CEP76: variants seen among roughly 807,000 people sequenced by gnomAD.
The protein encoded by CEP76 is centrosomal protein 76, also known as centrosomal protein of 76 kDa.
CEP76 carries 55 observed loss-of-function variants against 83.3 expected under a neutral mutation model. That is an observed-to-expected ratio of 0.66 (90% confidence interval 0.53 to 0.83). The LOEUF is 0.83. CEP76 is among the 40% of genes least tolerant of loss of function. CEP76 has a pLI of 0.00. For synonymous variants in CEP76, 270 were observed against 274.5 expected, an observed-to-expected ratio of 0.98 and a Z score of 0.16; for missense variants, 694 against 799.5, an observed-to-expected ratio of 0.87 and a Z score of 1.59.
At chr18:12,671,642 CTTTTT>C (rs869130220), downstream of CEP76, among the ~76,000 whole-genome samples, 4 of 55,542 alleles carry the variant, frequency 7.2e-5, no homozygotes, top group South Asian at 1.7e-3. Flanking sequence ...TTCACACTTT[CTTTTT>C]TTTTTTTTTT....
At chr18:12,662,453 A>C (rs1407165763) in intron 12 of CEP76, among the ~76,000 whole-genome samples, 1 of 152,210 alleles carries the variant, frequency 6.6e-6, no homozygotes, top group Non-Finnish European at 1.5e-5. Flanking sequence ...CTACATTACA[A>C]TGTCCATGTA....
At chr18:12,667,634 G>A (rs2038828628), downstream of CEP76, among the ~76,000 whole-genome samples, 1 of 151,606 alleles carries the variant, frequency 6.6e-6, no homozygotes, top group Admixed American at 6.6e-5. Flanking sequence ...GGTGGCACGT[G>A]CCTGTACTCC....
intron 11 of CEP76, among the ~76,000 whole-genome samples, chr18:12,673,794 T>G (rs1050596022): frequency 6.6e-6 from 1 of 151,896 alleles, no homozygotes; most frequent in African/African-American, 2.4e-5. Flanking sequence ...GGCAGGAGAA[T>G]CGCTTGAATC....
At chr18:12,664,794 G>T (rs2038771860) in intron 12 of CEP76, among the ~76,000 whole-genome samples, 1 of 151,336 alleles carries the variant, frequency 6.6e-6, no homozygotes, top group African/African-American at 2.4e-5. Context: ...TGCCTCCCAG[G>T]TTCAAGTGAT....
Position 12,683,186 on chromosome 18 carries a change from C to CAAAAAAAAAAAAAAAAAAAAAAA in CEP76, c.1123-2359_1123-2358insTTTTTTTTTTTTTTTTTTTTTTT, listed in dbSNP as rs765652085. 9.1e-4 allele frequency among the ~76,000 whole-genome samples: 58 copies of CAAAAAAAAAAAAAAAAAAAAAAA among 63,656 alleles called. 6 individuals are homozygous for CAAAAAAAAAAAAAAAAAAAAAAA. Among genetic ancestry groups the CAAAAAAAAAAAAAAAAAAAAAAA allele is most frequent in the Non-Finnish European group, 1.3e-3 (42 of 32,430 alleles). 41.8% of individuals were successfully genotyped at this position (63,656 alleles called of 152,430 possible). A position where few individuals can be genotyped will look rare whatever the true frequency, so the allele number is the denominator to read the frequency against. On this transcript the variant is annotated intron_variant, in intron 8 of 11. Coordinates refer to ENST00000262127, the MANE Select transcript of CEP76 (RefSeq NM_024899.4). ...GAAACCCCATCTCTACTAAAAATAC[C>CAAAAAAAAAAAAAAAAAAAAAAA]AAAAAAAAAAAAAAAAAAGCCAGGC... is the stretch of plus-strand genomic sequence containing the variant.
chr18:12,679,421 A>G (rs906291636), intron 9 of CEP76: 11 of 152,090 alleles, frequency 7.2e-5, no homozygotes, highest in African/African-American at 1.2e-4. Flanking sequence ...CAGGAAGCAC[A>G]CTAGCAGGCA....
chr18:12,667,479 C>T (rs9945963), intron 12 of CEP76, among the ~76,000 whole-genome samples: 2,725 of 151,852 alleles, frequency 0.018, 92 homozygotes, highest in African/African-American at 0.062. Flanking sequence ...ATATAATATT[C>T]GGCCAGGCCG....
intron 10 of CEP76, among the ~76,000 whole-genome samples, chr18:12,675,306 G>A (rs1377547956): frequency 1.3e-5 from 2 of 152,078 alleles, no homozygotes; most frequent in African/African-American, 4.8e-5. Context: ...TGAGGCAGGA[G>A]AATGGTATGA....
At chr18:12,674,441 TAAAAAA>T (rs34769779) in intron 11 of CEP76, 89 bp downstream of exon 11, 7 of 715,644 alleles carry the variant, frequency 9.8e-6, no homozygotes, top group South Asian at 4.1e-5. Context: ...GACCTTGAGT[TAAAAAA>T]AAAAAAAAAA....
intron 10 of CEP76, among the ~76,000 whole-genome samples, chr18:12,677,350 A>T (rs1377929326): frequency 2.0e-5 from 3 of 150,224 alleles, no homozygotes; most frequent in African/African-American, 7.3e-5. Context: ...AGGCAGGAGA[A>T]TTGCTTAAAC....
chr18:12,674,437 G>C, intron 11 of CEP76, 99 bp downstream of exon 11: 1 of 809,970 alleles, frequency 1.2e-6, no homozygotes. Flanking sequence ...GCAAGACCTT[G>C]AGTTAAAAAA....
At chr18:12,687,750 G>C (rs1213774477) in intron 7 of CEP76, among the ~76,000 whole-genome samples, 1 of 151,744 alleles carries the variant, frequency 6.6e-6, no homozygotes, top group South Asian at 2.1e-4. Flanking sequence ...ACTGTGCCTG[G>C]CCTAGAGGGC....
intron 12 of CEP76, among the ~76,000 whole-genome samples, chr18:12,666,835 A>C (rs1382500916): frequency 2.0e-5 from 3 of 152,152 alleles, no homozygotes; most frequent in Non-Finnish European, 4.4e-5. Flanking sequence ...TGATTCTTCC[A>C]ATCAGGTTTA....
chr18:12,702,670 G>C lies in CEP76; in HGVS notation c.-122C>G. 1.8e-6 allele frequency: 2 copies of C among 1,141,174 alleles called. No individual in the cohort carries two copies. The highest frequency in any genetic ancestry group is 2.8e-5 in the East Asian group (1 of 35,380). The allele number at this position is 1,141,174 out of a possible 1,614,324, so 70.7% of individuals were successfully genotyped here. On this transcript the variant is annotated 5_prime_UTR_variant, in exon 1 of 12. Transcript: ENST00000262127. The stretch of plus-strand genomic sequence containing the variant: ...ACAAAGCGCCGCAGCCGTTCGCCTA[G>C]CGCAGCTCCCGGGGGACGCAACGCC...
intron 4 of CEP76, among the ~76,000 whole-genome samples, chr18:12,698,365 C>T (rs11873288): frequency 0.027 from 4,106 of 152,114 alleles, 188 homozygotes; most frequent in African/African-American, 0.091. Context: ...GACAGGGTTT[C>T]GACATGTTGG....
chr18:12,666,472 C>T (rs1333992231), intron 12 of CEP76, among the ~76,000 whole-genome samples: 2 of 144,108 alleles, frequency 1.4e-5, no homozygotes, highest in Non-Finnish European at 3.0e-5. Flanking sequence ...TAGGGTCTCC[C>T]TCTGTTGCCC....
At chr18:12,683,275 C>T (rs1374672652) in intron 8 of CEP76, among the ~76,000 whole-genome samples, 1 of 149,656 alleles carries the variant, frequency 6.7e-6, no homozygotes, top group East Asian at 2.0e-4. Context: ...TTGCTTGAGG[C>T]TGGGAGGCGG....
At chr18:12,687,332 GAAAA>G (rs975951123) in intron 7 of CEP76, among the ~76,000 whole-genome samples, 1 of 149,018 alleles carries the variant, frequency 6.7e-6, no homozygotes, top group African/African-American at 2.5e-5. Context: ...CTTTAGCAAG[GAAAA>G]AAAAACTCAC....
At chr18:12,663,832 C>T (rs899880758) in intron 12 of CEP76, among the ~76,000 whole-genome samples, 1 of 151,972 alleles carries the variant, frequency 6.6e-6, no homozygotes, top group African/African-American at 2.4e-5. Flanking sequence ...TGCAGTGGTG[C>T]GATCATAGCT....
Sources: gnomAD v4.1 joint callset for allele counts (sites outside exome capture counted in the v4.1 genomes callset) on GRCh38, gnomAD v4.1.1 for gene constraint, MANE v1.5 for transcripts, NCBI Gene and HGNC (gene_info 2026-07-23, HGNC 2026-07-21) for gene names.